The following RASA1 variants were observed in gnomAD, a reference collection of about 807,000 sequenced individuals.
The protein encoded by RASA1 is ras GTPase-activating protein 1.
Under a neutral mutation model 132.2 loss-of-function variants are expected in RASA1, and 25 were observed. The ratio of observed to expected loss-of-function variants is 0.19; its 90% CI spans 0.14 to 0.26. The LOEUF (loss-of-function observed/expected upper bound fraction) is 0.26. RASA1 is among the 10% of genes least tolerant of loss of function. The probability of loss-of-function intolerance (pLI) is 1.00; values close to 1 mark genes in which losing one functional copy is unlikely to be tolerated. For missense variants in RASA1, 964 were observed against 1,299.2 expected (o/e 0.74, Z 3.97); for synonymous variants, 477 against 449.9 (o/e 1.06, Z -0.76).
At chr5:87,389,140 C>T (rs1762280452) in intron 23 of RASA1, among the ~76,000 whole-genome samples, 1 of 152,022 alleles carries the variant, frequency 6.6e-6, no homozygotes, top group African/African-American at 2.4e-5. Flanking sequence ...AGAATCTTTT[C>T]ACATGAGACT....
intron 4 of RASA1, among the ~76,000 whole-genome samples, chr5:87,334,017 CTGTAAG>C (rs1188796253): frequency 2.0e-5 from 3 of 152,080 alleles, no homozygotes; most frequent in Non-Finnish European, 1.5e-5. Context: ...GACAGCAGTT[CTGTAAG>C]TGTGTTTCAT....
chr5:87,374,973 A>G (rs1162073924), intron 15 of RASA1, 57 bp downstream of exon 15: 21 of 1,550,864 alleles, frequency 1.4e-5, no homozygotes, highest in Non-Finnish European at 1.6e-5. Flanking sequence ...ATACTTTCAA[A>G]ATTCACAATG....
At chr5:87,363,321 G>A in intron 10 of RASA1, 27 bp from the exon 11 acceptor site, 3 of 1,566,028 alleles carry the variant, frequency 1.9e-6, no homozygotes, top group Non-Finnish European at 2.6e-6. Flanking sequence ...GTTTGGCTAA[G>A]AGAAAACAAT....
chr5:87,342,833 GT>G (rs540333092), intron 6 of RASA1, among the ~76,000 whole-genome samples: 5 of 151,932 alleles, frequency 3.3e-5, no homozygotes, highest in African/African-American at 7.3e-5. Context: ...ATAAATCTAG[GT>G]TTTTTTATTT....
chr5:87,389,505 G>A lies in RASA1; in HGVS notation c.3038G>A (p.Ser1013Asn). 1 of 1,614,026 alleles carries A rather than the reference G, an allele frequency of 6.2e-7. No homozygotes were observed. The highest frequency in any genetic ancestry group is 8.5e-7 in the Non-Finnish European group (1 of 1,179,890). ...VAHSDELRTL[S>N]NERGAQQHVL... is the part of the protein sequence containing the mutation. ...CATTCAGATGAACTTCGAACGCTCA[G>A]TAATGAGCGTGGTGCACAGCAGGTA... Residue 1013 changes from serine (S) to asparagine (N), a missense_variant, in exon 24 of 25, where the codon AGT (serine) becomes AAT (asparagine). By Grantham distance (46) the Ser-to-Asn change is conservative. Transcript: ENST00000274376.
chr5:87,301,872 C>T (rs577137848), intron 1 of RASA1, among the ~76,000 whole-genome samples: 2 of 152,120 alleles, frequency 1.3e-5, no homozygotes, highest in African/African-American at 2.4e-5. Flanking sequence ...TTGCATGTGA[C>T]ACTATTTCAC....
rs1022283037 is a variant in RASA1 at position 87,276,665 on chromosome 5, G to T, written c.539+7675G>T. Among the ~76,000 whole-genome samples the T allele has an allele frequency of 5.2e-4, 79 of 152,128 alleles. 1 individual carries two copies. Among genetic ancestry groups the T allele is most frequent in the Non-Finnish European group, 2.5e-4 (17 of 68,014 alleles). On this transcript the variant is annotated intron_variant, in intron 1 of 24. Coordinates refer to ENST00000274376, the MANE Select transcript of RASA1 (RefSeq NM_002890.3). ...GATAGTTGCCAAAGAGTGAAAGAAT[G>T]AAAGTAAATGAAAGAATGATACTGA...
Position 87,284,282 on chromosome 5 carries a change from A to G in RASA1, c.539+15292A>G, listed in dbSNP as rs145014684. On this transcript the variant is annotated intron_variant, in intron 1 of 24. Transcript: ENST00000274376. The stretch of plus-strand genomic sequence containing the variant: ...TTCTTATTTATTGAACAGCCACGGT[A>G]TAGGAATTCTTTCATACATTATGTC... 2.9e-3 allele frequency among the ~76,000 whole-genome samples: 436 copies of G among 152,302 alleles called. 5 individuals are homozygous for G. Among genetic ancestry groups the G allele is most frequent in the Middle Eastern group, 0.024 (7 of 294 alleles).
intron 18 of RASA1, 38 bp from the exon 19 acceptor site, chr5:87,379,697 G>A (rs1300407296): frequency 1.2e-6 from 2 of 1,603,962 alleles, no homozygotes; most frequent in African/African-American, 1.3e-5. Context: ...ATTTGTCATT[G>A]CCAACATGCA....
intron 4 of RASA1, 32 bp from the exon 5 acceptor site, chr5:87,337,942 A>T: frequency 3.2e-6 from 5 of 1,563,896 alleles, no homozygotes; most frequent in Non-Finnish European, 4.3e-6. Context: ...TAAAATTTTT[A>T]AATTTAATAA....
intron 21 of RASA1, among the ~76,000 whole-genome samples, chr5:87,384,043 C>T (rs1228684331): frequency 6.6e-6 from 1 of 151,924 alleles, no homozygotes; most frequent in Admixed American, 6.6e-5. Context: ...CTATTTGTGT[C>T]TCAAACCTTT....
At chr5:87,371,931 ATTG>A (rs1266014885) in intron 12 of RASA1, among the ~76,000 whole-genome samples, 184 bp from the exon 13 acceptor site, 7 of 151,512 alleles carry the variant, frequency 4.6e-5, no homozygotes, top group African/African-American at 1.7e-4. Flanking sequence ...TTGTTTTATT[ATTG>A]TTATTGTTAT....
At chr5:87,362,414 A>G (rs1192557224) in intron 9 of RASA1, 137 bp from the exon 10 acceptor site, 17 of 811,672 alleles carry the variant, frequency 2.1e-5, no homozygotes, top group Middle Eastern at 3.8e-4. Flanking sequence ...TTTGGAAAGC[A>G]AAAGATCATT....
intron 21 of RASA1, among the ~76,000 whole-genome samples, chr5:87,384,291 T>C (rs2112510541): frequency 6.6e-6 from 1 of 152,262 alleles, no homozygotes; most frequent in South Asian, 2.1e-4. Flanking sequence ...TCAGTAAACC[T>C]GATCCAGTTT....
At chr5:87,323,868 A>C (rs1478394429) in intron 1 of RASA1, among the ~76,000 whole-genome samples, 1 of 152,128 alleles carries the variant, frequency 6.6e-6, no homozygotes, top group Non-Finnish European at 1.5e-5. Context: ...CTAAAATTCT[A>C]AGACTGAGAC....
intron 1 of RASA1, among the ~76,000 whole-genome samples, chr5:87,329,633 G>C (rs966868582): frequency 6.6e-6 from 1 of 152,024 alleles, no homozygotes; most frequent in Non-Finnish European, 1.5e-5. Flanking sequence ...CACTACCTAA[G>C]ACATAACAGA....
At chr5:87,277,166 C>T (rs1449212542) in intron 1 of RASA1, among the ~76,000 whole-genome samples, 1 of 152,092 alleles carries the variant, frequency 6.6e-6, no homozygotes, top group Non-Finnish European at 1.5e-5. Flanking sequence ...AGTGATAGAG[C>T]TGGAATTTTA....
At chr5:87,389,582 A>G in intron 24 of RASA1, 55 bp downstream of exon 24, 1 of 1,594,922 alleles carries the variant, frequency 6.3e-7, no homozygotes, top group Non-Finnish European at 8.6e-7. Flanking sequence ...ACACTTAGAG[A>G]GTTAATAAAT....
intron 1 of RASA1, among the ~76,000 whole-genome samples, chr5:87,275,990 G>A (rs917072135): frequency 2.2e-4 from 34 of 152,144 alleles, no homozygotes; most frequent in African/African-American, 8.0e-4. Context: ...CCAATGGTGA[G>A]TGCTGGTCAC....
Sources: allele counts gnomAD v4.1 joint callset (sites outside exome capture counted in the v4.1 genomes callset), GRCh38; gene constraint gnomAD v4.1.1; transcripts MANE v1.5; gene names NCBI Gene and HGNC (gene_info 2026-07-23, HGNC 2026-07-21).